The following ZFYVE9 variants were observed in gnomAD, a reference collection of about 807,000 sequenced individuals.
The protein encoded by ZFYVE9 is zinc finger FYVE-type containing 9, also known as zinc finger FYVE domain-containing protein 9.
Under a neutral mutation model 126.7 loss-of-function variants are expected in ZFYVE9, and 43 were observed. That is an observed-to-expected ratio of 0.34 (90% CI 0.27 to 0.44). ZFYVE9 has a LOEUF of 0.44. ZFYVE9 is among the 20% of genes least tolerant of loss of function. The probability of loss-of-function intolerance (pLI) is 1.00; values close to 1 mark genes in which losing one functional copy is unlikely to be tolerated. For synonymous variants in ZFYVE9, 521 were observed against 597.4 expected (o/e 0.87, Z 1.87); for missense variants, 1,476 against 1,697.0 (o/e 0.87, Z 2.29).
chr1:52,248,738 G>A (rs987511524), intron 4 of ZFYVE9, among the ~76,000 whole-genome samples: 1 of 152,214 alleles, frequency 6.6e-6, no homozygotes, highest in Non-Finnish European at 1.5e-5. Context: ...GGGTGTACAA[G>A]CATCTGTTTG....
At position 52,239,317 on chromosome 1, in the gene ZFYVE9, C is replaced by T; in HGVS notation, c.1900C>T (p.Pro634Ser). 1 of 1,614,164 alleles carries T rather than the reference C, an allele frequency of 6.2e-7. No homozygotes were observed. Among genetic ancestry groups the T allele is most frequent in the Non-Finnish European group, 8.5e-7 (1 of 1,180,016 alleles). The change falls in exon 4 of 19, where the codon CCA becomes TCA. Residue 634 changes from proline to serine, a missense_variant. Pro to Ser is a moderately conservative substitution (Grantham distance 74). Transcript: ENST00000287727. Reference sequence around the variant, plus strand: ...AAACTCAGCAACCAATGTATGCAGTCCATCTTTGGGAAACATCTCTAATGT... The same window carrying T: ...AAACTCAGCAACCAATGTATGCAGTTCATCTTTGGGAAACATCTCTAATGT... Reference protein sequence around the residue: ...GENSATNVCSPSLGNISNVDT... With the variant: ...GENSATNVCSSSLGNISNVDT...
intron 1 of ZFYVE9, among the ~76,000 whole-genome samples, chr1:52,210,178 G>A (rs1007414297): frequency 6.6e-6 from 1 of 152,182 alleles, no homozygotes; most frequent in South Asian, 2.1e-4. Flanking sequence ...GGATGATAAT[G>A]CACTTACTCA....
intron 1 of ZFYVE9, among the ~76,000 whole-genome samples, chr1:52,158,785 G>A (rs1000417670): frequency 2.0e-5 from 3 of 151,652 alleles, no homozygotes; most frequent in Non-Finnish European, 4.4e-5. Flanking sequence ...CTAACAGCTA[G>A]CCAACTTTAT....
At chr1:52,182,577 T>G (rs1644721337) in intron 1 of ZFYVE9, among the ~76,000 whole-genome samples, 1 of 151,726 alleles carries the variant, frequency 6.6e-6, no homozygotes, top group African/African-American at 2.4e-5. Context: ...TCATCACCAC[T>G]CCCTAATCTC....
chr1:52,247,399 CAT>C (rs1645396993), intron 4 of ZFYVE9, among the ~76,000 whole-genome samples: 1 of 152,118 alleles, frequency 6.6e-6, no homozygotes, highest in Non-Finnish European at 1.5e-5. Flanking sequence ...ATATGCATAA[CAT>C]AAAATTTACC....
chr1:52,268,439 G>GT (rs1452918574), intron 6 of ZFYVE9, 24 bp from the exon 7 acceptor site: 9 of 1,603,498 alleles, frequency 5.6e-6, no homozygotes, highest in Non-Finnish European at 7.7e-6. Flanking sequence ...ATTGATGCCT[G>GT]TTTTATTTTT....
chr1:52,146,714 A>G (rs1644309415), intron 1 of ZFYVE9, among the ~76,000 whole-genome samples: 1 of 152,192 alleles, frequency 6.6e-6, no homozygotes, highest in Non-Finnish European at 1.5e-5. Flanking sequence ...TTAATTATTT[A>G]TGTAGTTTAC....
At chr1:52,220,464 T>C (rs368144563) in intron 2 of ZFYVE9, among the ~76,000 whole-genome samples, 4 of 152,152 alleles carry the variant, frequency 2.6e-5, no homozygotes, top group African/African-American at 2.4e-5. Flanking sequence ...AGGCAGCCGA[T>C]TGGGGGCATT....
At chr1:52,178,034 C>G (rs1644656168) in intron 1 of ZFYVE9, among the ~76,000 whole-genome samples, 2 of 150,848 alleles carry the variant, frequency 1.3e-5, no homozygotes, top group African/African-American at 4.9e-5. Flanking sequence ...AATCCCAGCA[C>G]TTTGGGAGGC....
chr1:52,293,083 A>C (rs1234013955), intron 10 of ZFYVE9, among the ~76,000 whole-genome samples: 1 of 152,112 alleles, frequency 6.6e-6, no homozygotes, highest in Non-Finnish European at 1.5e-5. Flanking sequence ...TGTTTATTAA[A>C]AATATGATTA....
chr1:52,147,223 AAATT>A (rs1417202226), intron 1 of ZFYVE9, among the ~76,000 whole-genome samples: 7 of 152,236 alleles, frequency 4.6e-5, no homozygotes, highest in African/African-American at 7.2e-5. Context: ...TCTATTTTAC[AAATT>A]AATTAATACT....
rs1301965032 is a variant in ZFYVE9, at chr1:52,207,025, A to G, written c.-142-9344A>G. 4.6e-5 allele frequency among the ~76,000 whole-genome samples: 7 copies of G among 152,376 alleles called. No individual in the cohort carries two copies. In the East Asian group the frequency reaches 1.2e-3, roughly 25 times the overall value. On this transcript the variant is annotated intron_variant, in intron 1 of 18. Coordinates refer to ENST00000287727, the MANE Select transcript of ZFYVE9 (RefSeq NM_004799.4). ...ATGGGGAGGGCAATCCGGTGTACTC[A>G]GTTCCATTCAAATGCTTATCTCTTC...
At chr1:52,153,938 A>T (rs919227887) in intron 1 of ZFYVE9, among the ~76,000 whole-genome samples, 2 of 152,216 alleles carry the variant, frequency 1.3e-5, no homozygotes, top group East Asian at 1.9e-4. Flanking sequence ...TGTACTGCAT[A>T]CAAGAGGATA....
intron 10 of ZFYVE9, among the ~76,000 whole-genome samples, chr1:52,284,654 C>T (rs1031235742): frequency 4.6e-5 from 7 of 152,064 alleles, no homozygotes; most frequent in South Asian, 2.1e-4. Context: ...TTCCTGACTT[C>T]GTGATCCGCC....
intron 16 of ZFYVE9, among the ~76,000 whole-genome samples, chr1:52,338,171 T>A (rs1460786857): frequency 6.6e-6 from 1 of 152,208 alleles, no homozygotes; most frequent in African/African-American, 2.4e-5. Flanking sequence ...AACAAAAAAG[T>A]CCCTCTATAG....
intron 17 of ZFYVE9, among the ~76,000 whole-genome samples, chr1:52,341,961 C>T (rs923241802): frequency 6.6e-6 from 1 of 152,070 alleles, no homozygotes; most frequent in African/African-American, 2.4e-5. Flanking sequence ...CCTTTTTGCT[C>T]CCCAGTAGCA....
chr1:52,296,187 A>T (rs1166184336), intron 12 of ZFYVE9, among the ~76,000 whole-genome samples: 4 of 151,912 alleles, frequency 2.6e-5, no homozygotes, highest in Non-Finnish European at 5.9e-5. Context: ...ACACACACAC[A>T]CACACACATA....
At chr1:52,272,671 A>ACCTTTTTTTTTTTTTTTTTTTTTTTTT (rs1162973754) in intron 7 of ZFYVE9, among the ~76,000 whole-genome samples, 2 of 134,850 alleles carry the variant, frequency 1.5e-5, no homozygotes, top group African/African-American at 6.7e-5. Context: ...GCTAGAAATA[A>ACCTTTTTTTTTTTTTTTTTTTTTTTTT]TCTTTTTTTT....
At chr1:52,249,540 C>A (rs1375831507) in intron 4 of ZFYVE9, among the ~76,000 whole-genome samples, 1 of 152,098 alleles carries the variant, frequency 6.6e-6, no homozygotes, top group Non-Finnish European at 1.5e-5. Flanking sequence ...AATTCAGTCT[C>A]CTATCACATA....
Sources: gnomAD v4.1 joint callset for allele counts (sites outside exome capture counted in the v4.1 genomes callset) on GRCh38, gnomAD v4.1.1 for gene constraint, MANE v1.5 for transcripts, NCBI Gene and HGNC (gene_info 2026-07-23, HGNC 2026-07-21) for gene names.